The following LRP1B variants were observed in gnomAD, a reference collection of about 807,000 sequenced individuals.
The protein encoded by LRP1B is low-density lipoprotein receptor-related protein 1B.
Under a neutral mutation model 556.6 loss-of-function variants are expected in LRP1B, and 217 were observed. The ratio of observed to expected loss-of-function variants is 0.39; its 90% CI spans 0.35 to 0.44. The LOEUF is 0.44. LRP1B is among the 20% of genes least tolerant of loss of function. The pLI is 1.00. For missense variants in LRP1B, 5,053 were observed against 5,620.8 expected (o/e 0.90, Z 3.23); for synonymous variants, 2,047 against 1,865.8 (o/e 1.10, Z -2.50).
At chr2:140,952,019 G>T in intron 18 of LRP1B, 79 bp from the exon 19 acceptor site, 4 of 977,282 alleles carry the variant, frequency 4.1e-6, no homozygotes, top group Non-Finnish European at 4.9e-6. Context: ...CTGATAATGT[G>T]ATCAGAACTC....
chr2:140,982,262 C>G lies in LRP1B; in HGVS notation c.2785G>C (p.Val929Leu), dbSNP rs148724909. 2 of 1,612,392 alleles carry G rather than the reference C, an allele frequency of 1.2e-6. No homozygotes were observed. The highest frequency in any genetic ancestry group is 2.2e-5 in the East Asian group (1 of 44,836). Residue 929 changes from valine to leucine, a missense_variant, in exon 18 of 91, where the codon GTA becomes CTA. Around this residue, in one of 5 missense-constraint regions of LRP1B, gnomAD observed 3,619 missense variants for 3,931.9 expected, o/e 0.92. Transcript: ENST00000389484. ...CCATTTCCGCAAGAAAACTGGTCTA[C>G]CTGGCATGTTCTGGCTATGATGATC... ...NQTCTARTCQ[V>L]DQFSCGNGRC... is the part of the protein sequence containing the mutation.
chr2:140,554,854 A>ATGTGTGTGTGTGTGTGTGTGTG (rs1553485749), intron 43 of LRP1B, among the ~76,000 whole-genome samples: 17 of 146,104 alleles, frequency 1.2e-4, no homozygotes, highest in African/African-American at 4.0e-4. Context: ...AAGTGTGTGT[A>ATGTGTGTGTGTGTGTGTGTGTG]TGTGTGTGTG....
chr2:140,324,096 T>C, intron 80 of LRP1B, 30 bp from the exon 81 acceptor site: 1 of 1,425,650 alleles, frequency 7.0e-7, no homozygotes, highest in Middle Eastern at 1.8e-4. Context: ...GTTATGAAAG[T>C]TTTAATGTAT....
chr2:141,959,768 C>T (rs530635221), intron 1 of LRP1B, among the ~76,000 whole-genome samples: 21 of 151,784 alleles, frequency 1.4e-4, no homozygotes, highest in East Asian at 3.9e-4. Flanking sequence ...TCTTTTACAA[C>T]GACAGAATAT....
intron 11 of LRP1B, among the ~76,000 whole-genome samples, chr2:141,033,447 T>C (rs66563130): frequency 0.21 from 31,590 of 151,898 alleles, 3,375 homozygotes; most frequent in East Asian, 0.37. Flanking sequence ...TAGGGGAGTA[T>C]ATTAGTTGTC....
rs367607678 is a variant in LRP1B at position 140,901,730 on chromosome 2, A to C, written c.3766+1190T>G. ...TGAGAAAACATATTGAAGTGCACTT[A>C]TTGAAATTAAATAATTTTTGAATAT... is the stretch of plus-strand genomic sequence containing the variant. On this transcript the variant is annotated intron_variant, in intron 23 of 90. Coordinates refer to ENST00000389484, the MANE Select transcript of LRP1B (RefSeq NM_018557.3). Among the ~76,000 whole-genome samples, 6 of 152,324 alleles carry C rather than the reference A, an allele frequency of 3.9e-5. No homozygotes were observed. In the East Asian group the frequency reaches 9.7e-4, roughly 25 times the overall value.
rs1697000204 is a variant in LRP1B at position 141,828,222 on chromosome 2, T to C, written c.83-17821A>G. On this transcript the variant is annotated intron_variant, in intron 1 of 90. Transcript: ENST00000389484. ...ATAATTATGTTAATATTATTGTGTA[T>C]CTTAGACATCTTCAATACACATTTT... Among the ~76,000 whole-genome samples the C allele has an allele frequency of 7.9e-5, 12 of 152,284 alleles. No homozygotes were observed. In the South Asian group the frequency reaches 2.5e-3, roughly 32 times the overall value.
intron 43 of LRP1B, among the ~76,000 whole-genome samples, chr2:140,584,637 C>T (rs895857649): frequency 6.6e-6 from 1 of 152,104 alleles, no homozygotes; most frequent in African/African-American, 2.4e-5. Context: ...TAGATACTGA[C>T]CATTATTCTT....
At chr2:140,457,432 C>T (rs2105323502) in intron 61 of LRP1B, 31 bp downstream of exon 61, 3 of 1,495,890 alleles carry the variant, frequency 2.0e-6, no homozygotes, top group South Asian at 1.2e-5. Context: ...GATGTTAATG[C>T]ATTTATGGAA....
At chr2:140,875,900 G>C (rs571793363) in intron 25 of LRP1B, among the ~76,000 whole-genome samples, 1 of 152,134 alleles carries the variant, frequency 6.6e-6, no homozygotes, top group East Asian at 1.9e-4. Flanking sequence ...TTAAATTATT[G>C]TGTGCCACAG....
intron 41 of LRP1B, among the ~76,000 whole-genome samples, chr2:140,638,142 A>G (rs1684135612): frequency 1.3e-5 from 2 of 152,346 alleles, no homozygotes; most frequent in South Asian, 4.1e-4. Flanking sequence ...TTTCTCTGCC[A>G]CTTTCTCTAT....
At chr2:142,095,244 A>T (rs1402921529) in intron 1 of LRP1B, among the ~76,000 whole-genome samples, 2 of 151,652 alleles carry the variant, frequency 1.3e-5, no homozygotes, top group Non-Finnish European at 3.0e-5. Context: ...ACAAGAGTAT[A>T]AGTTACCAAA....
At chr2:141,400,392 A>G (rs1377090726) in intron 3 of LRP1B, among the ~76,000 whole-genome samples, 2 of 152,226 alleles carry the variant, frequency 1.3e-5, no homozygotes, top group East Asian at 3.8e-4. Flanking sequence ...GTTTAAGGTT[A>G]TAAAATTAGT....
Position 140,886,124 on chromosome 2 carries a change from TA to T in LRP1B, c.3964+13del. 6.8e-7 allele frequency: 1 copy of T among 1,480,740 alleles called. No homozygotes were observed. The highest frequency in any genetic ancestry group is 1.9e-4 in the Middle Eastern group (1 of 5,282). 91.7% of individuals were successfully genotyped at this position (1,480,740 alleles called of 1,614,324 possible). On this transcript the variant is annotated intron_variant, in intron 24 of 90. Coordinates refer to ENST00000389484, the MANE Select transcript of LRP1B (RefSeq NM_018557.3). Reference sequence around the variant, plus strand: ...AAGTAATCTAAACATTAAGAAAAATTATAATATATGTACCTCCACTTTCAGA... The same window carrying T: ...AAGTAATCTAAACATTAAGAAAAATTTAATATATGTACCTCCACTTTCAGA...
intron 2 of LRP1B, among the ~76,000 whole-genome samples, chr2:141,592,777 T>A (rs1054983511): frequency 1.3e-5 from 2 of 152,144 alleles, no homozygotes; most frequent in Non-Finnish European, 2.9e-5. Context: ...CTATTCTAGG[T>A]TTTACTCACA....
intron 1 of LRP1B, among the ~76,000 whole-genome samples, chr2:141,987,903 G>A (rs1025372877): frequency 2.7e-5 from 1 of 37,108 alleles, no homozygotes; most frequent in African/African-American, 1.0e-4. Flanking sequence ...TGTCTGTAAA[G>A]CAATGATTTC....
In LRP1B at chr2:140,269,239, C is replaced by T. The variant is rs747776799; in HGVS notation, c.13247+1003G>A. On this transcript the variant is annotated intron_variant, in intron 86 of 90. Coordinates refer to ENST00000389484, the MANE Select transcript of LRP1B (RefSeq NM_018557.3). ...TGGCCTGAAATGATGTCACACGAAG[C>T]GCAGCGATAAGTGGAAGTTTAAACC... 28 of 469,610 alleles carry T rather than the reference C, an allele frequency of 6.0e-5. 1 individual carries two copies. The highest frequency in any genetic ancestry group is 3.3e-4 in the Middle Eastern group (1 of 3,062). The allele number at this position is 469,610 out of a possible 1,614,324, so 29.1% of individuals were successfully genotyped here. A position where few individuals can be genotyped will look rare whatever the true frequency, so the allele number is the denominator to read the frequency against.
In LRP1B at chr2:140,364,782, T is replaced by C. The variant is rs770538586; in HGVS notation, c.11010A>G (p.Gly3670=). ...ACTCATCAGCTCTACATATATTTCC[T>C]CCTTTATTTTAAAACAAAAAGAAAC... ...DGSDEENCER[G]GNICRADEFL... Residue 3670 remains glycine (G), a splice_region_variant and synonymous_variant, in exon 72 of 91, where the codon GGA becomes GGG. Coordinates refer to ENST00000389484, the MANE Select transcript of LRP1B (RefSeq NM_018557.3). 5.6e-6 allele frequency: 9 copies of C among 1,608,372 alleles called. No individual in the cohort carries two copies. Among genetic ancestry groups the C allele is most frequent in the South Asian group, 1.1e-5 (1 of 90,736 alleles).
intron 3 of LRP1B, among the ~76,000 whole-genome samples, chr2:141,314,909 T>TATATATAC (rs1337617377): frequency 1.4e-5 from 2 of 144,516 alleles, no homozygotes; most frequent in East Asian, 2.0e-4. Context: ...TATATATATA[T>TATATATAC]ACACATATAT....
Sources: gnomAD v4.1 joint callset for allele counts (sites outside exome capture counted in the v4.1 genomes callset) on GRCh38, gnomAD v4.1.1 for gene constraint, gnomAD v4.1.1 regional missense constraint, MANE v1.5 for transcripts, NCBI Gene and HGNC (gene_info 2026-07-23, HGNC 2026-07-21) for gene names.